Variants in GALNT10 observed in about 807,000 individuals in gnomAD.
GALNT10 encodes the protein polypeptide N-acetylgalactosaminyltransferase 10.
GALNT10 carries 41 observed loss-of-function variants against 75.0 expected under a neutral mutation model. That is an observed-to-expected ratio of 0.55 (90% CI 0.43 to 0.71). The LOEUF is 0.71. Ranked by LOEUF, GALNT10 falls within the 30% of genes least tolerant of loss-of-function variation. The pLI, the probability that GALNT10 is intolerant of heterozygous loss-of-function variation, is 0.00. For synonymous variants in GALNT10, 302 were observed against 313.0 expected (o/e 0.96, Z 0.37); for missense variants, 727 against 818.5 (o/e 0.89, Z 1.36).
At chr5:154,353,055 G>A (rs1755233747) in intron 4 of GALNT10, among the ~76,000 whole-genome samples, 2 of 152,086 alleles carry the variant, frequency 1.3e-5, no homozygotes, top group African/African-American at 2.4e-5. Context: ...TGCAGTCCAG[G>A]GCACGGATGA....
intron 3 of GALNT10, among the ~76,000 whole-genome samples, chr5:154,313,776 C>T (rs1377377800): frequency 6.6e-6 from 1 of 151,992 alleles, no homozygotes; most frequent in Non-Finnish European, 1.5e-5. Context: ...GAGCCTTGAG[C>T]TGAGGAAAGA....
chr5:154,348,546 A>G (rs1451838081), intron 4 of GALNT10, among the ~76,000 whole-genome samples: 1 of 152,224 alleles, frequency 6.6e-6, no homozygotes, highest in Non-Finnish European at 1.5e-5. Flanking sequence ...TAAATACCTC[A>G]TCAATTCAGT....
At chr5:154,355,831 T>C (rs1436601947) in intron 4 of GALNT10, among the ~76,000 whole-genome samples, 1 of 152,190 alleles carries the variant, frequency 6.6e-6, no homozygotes, top group Non-Finnish European at 1.5e-5. Context: ...GATGAGGACA[T>C]TGACGCTCAG....
chr5:154,218,485 C>T (rs1034420354), intron 1 of GALNT10, among the ~76,000 whole-genome samples: 3 of 152,170 alleles, frequency 2.0e-5, no homozygotes, highest in African/African-American at 7.2e-5. Context: ...ATATTCATTT[C>T]ACAGGCATAA....
At chr5:154,328,740 G>A (rs756252860) in intron 3 of GALNT10, among the ~76,000 whole-genome samples, 2 of 152,134 alleles carry the variant, frequency 1.3e-5, no homozygotes, top group Non-Finnish European at 2.9e-5. Context: ...GTAAATTGGT[G>A]GTTCCCCTCC....
At chr5:154,241,970 T>G (rs1411740660) in intron 1 of GALNT10, among the ~76,000 whole-genome samples, 2 of 152,172 alleles carry the variant, frequency 1.3e-5, no homozygotes, top group African/African-American at 4.8e-5. Context: ...ACAGGCTTCT[T>G]ATTCTTCATC....
In GALNT10 at chr5:154,213,925, C is replaced by G. The variant is rs557269893; in HGVS notation, c.159+22900C>G. Among the ~76,000 whole-genome samples, 3 of 152,238 alleles carry G rather than the reference C, an allele frequency of 2.0e-5. No homozygotes were observed. In the East Asian group the frequency reaches 5.8e-4, roughly 29 times the overall value. Reference sequence around the variant, plus strand: ...GCCAATTACTAAATCTTTCTGGGCCCCAAGGGTCTCTTTTGCAAGAAGGAC... The same window carrying G: ...GCCAATTACTAAATCTTTCTGGGCCGCAAGGGTCTCTTTTGCAAGAAGGAC... On this transcript the variant is annotated intron_variant, in intron 1 of 11. Transcript: ENST00000297107.
At chr5:154,210,385 TACACACACAC>T (rs35928766) in intron 1 of GALNT10, among the ~76,000 whole-genome samples, 3 of 148,878 alleles carry the variant, frequency 2.0e-5, no homozygotes, top group African/African-American at 4.9e-5. Context: ...CACACATGCA[TACACACACAC>T]ACACACACAC....
chr5:154,278,014 T>A (rs1753976675), intron 1 of GALNT10, among the ~76,000 whole-genome samples: 1 of 152,142 alleles, frequency 6.6e-6, no homozygotes, highest in African/African-American at 2.4e-5. Context: ...AATAAACATG[T>A]TTTAGGTGAA....
chr5:154,399,246 A>T (rs1756108993), intron 7 of GALNT10, among the ~76,000 whole-genome samples: 2 of 152,182 alleles, frequency 1.3e-5, no homozygotes, highest in Admixed American at 1.3e-4. Flanking sequence ...AAAGATACAA[A>T]GGACAAGTGA....
rs1469283763 is a variant in GALNT10, at chr5:154,412,970, C to CGAG, written c.1470_1472dup (p.Gly491dup). 1.7e-5 allele frequency: 27 copies of CGAG among 1,612,846 alleles called. No individual in the cohort carries two copies. The highest frequency in any genetic ancestry group is 2.0e-5 in the Non-Finnish European group (24 of 1,179,350). Reference sequence around the variant, plus strand: ...CCCACTAAGGCTAGAGGGCTGCGTCCGAGGCCGTGGGGAGGCTGCCTGGAA... The same window carrying CGAG: ...CCCACTAAGGCTAGAGGGCTGCGTCCGAGGAGGCCGTGGGGAGGCTGCCTGGAA... On this transcript the variant is annotated inframe_insertion, in exon 10 of 12. Transcript: ENST00000297107. This position sits in a 1 kb window ranked among gnomAD's most constrained non-coding sequence, Gnocchi z 4.2.
intron 1 of GALNT10, among the ~76,000 whole-genome samples, chr5:154,221,831 A>T (rs527791447): frequency 3.9e-5 from 6 of 152,260 alleles, no homozygotes; most frequent in African/African-American, 1.4e-4. Context: ...GCCACTCTTT[A>T]TGCTGACACC....
intron 1 of GALNT10, among the ~76,000 whole-genome samples, chr5:154,255,724 T>G (rs1753596755): frequency 6.6e-6 from 1 of 151,846 alleles, no homozygotes. Context: ...GAAACCAAGT[T>G]TTTCTCTCAA....
intron 1 of GALNT10, among the ~76,000 whole-genome samples, chr5:154,193,761 G>A (rs1229949391): frequency 7.9e-5 from 12 of 152,172 alleles, no homozygotes; most frequent in Admixed American, 7.9e-4. Context: ...TTTCTCCACT[G>A]GATTAAAGAA....
chr5:154,289,023 A>G (rs1754152253), intron 1 of GALNT10, among the ~76,000 whole-genome samples: 1 of 152,222 alleles, frequency 6.6e-6, no homozygotes, highest in African/African-American at 2.4e-5. Context: ...GTTGAATTGA[A>G]TCAGGTGGTA....
At position 154,376,542 on chromosome 5, in the gene GALNT10, A is replaced by AC; in HGVS notation, c.754+80_754+81insC. ...TGGCCCCCTCCTGCTGCAGGGAGCC[A>AC]TCCATAAGCCTTCCCTTGCCTGTTC... On this transcript the variant is annotated intron_variant, in intron 5 of 11. Transcript: ENST00000297107. This position sits in a 1 kb window ranked among gnomAD's most constrained non-coding sequence, Gnocchi z 4.1. 9.8e-7 allele frequency: 1 copy of AC among 1,019,816 alleles called. No individual in the cohort carries two copies. Among genetic ancestry groups the AC allele is most frequent in the Non-Finnish European group, 1.4e-6 (1 of 697,768 alleles). 63.2% of individuals were successfully genotyped at this position (1,019,816 alleles called of 1,614,324 possible).
rs1232766900 is a variant in GALNT10 at position 154,420,117 on chromosome 5, ACAGT to A, written c.*3149_*3152del. 1.3e-5 allele frequency: 2 copies of A among 152,242 alleles called. No homozygotes were observed. Among genetic ancestry groups the A allele is most frequent in the African/African-American group, 2.4e-5 (1 of 41,472 alleles). The allele number at this position is 152,242 out of a possible 1,614,324, so 9.4% of individuals were successfully genotyped here. ...CCAGTTGGAGCTTTCAGCTGTTAAA[ACAGT>A]CAGAAACTATTGATTCTTCCCTTTA... On this transcript the variant is annotated 3_prime_UTR_variant, in exon 12 of 12. Coordinates refer to ENST00000297107, the MANE Select transcript of GALNT10 (RefSeq NM_198321.4).
chr5:154,190,789 C>CCGGGCGGACGGGCGGA lies in GALNT10; in HGVS notation c.-75_-60dup, dbSNP rs201222592. The stretch of plus-strand genomic sequence containing the variant: ...TCTGCTGGCTGAGCTGCTGCCGCCG[C>CCGGGCGGACGGGCGGA]CGGGCGGACGGGCGGACGCGCGGAG... On this transcript the variant is annotated 5_prime_UTR_variant, in exon 1 of 12. Coordinates refer to ENST00000297107, the MANE Select transcript of GALNT10 (RefSeq NM_198321.4). 21 of 631,146 alleles carry CCGGGCGGACGGGCGGA rather than the reference C, an allele frequency of 3.3e-5. No homozygotes were observed. The East Asian group carries it at 8.8e-4, about 26-fold the overall frequency. The allele number at this position is 631,146 out of a possible 1,614,324, so 39.1% of individuals were successfully genotyped here.
At chr5:154,250,142 G>A (rs546524849) in intron 1 of GALNT10, among the ~76,000 whole-genome samples, 297 of 152,290 alleles carry the variant, frequency 2.0e-3, no homozygotes, top group African/African-American at 6.7e-3. Context: ...CGATTAAGTG[G>A]TAAACTTAAA....
Sources: allele counts gnomAD v4.1 joint callset (sites outside exome capture counted in the v4.1 genomes callset), GRCh38; gene constraint gnomAD v4.1.1; non-coding constraint Gnocchi (gnomAD v3.1); transcripts MANE v1.5; gene names NCBI Gene and HGNC (gene_info 2026-07-23, HGNC 2026-07-21).